Variants in PDZD9 observed in about 807,000 individuals in gnomAD.
PDZD9 encodes PDZ domain-containing protein 9.
Under a neutral mutation model 16.3 loss-of-function variants are expected in PDZD9, and 13 were observed. The ratio of observed to expected loss-of-function variants is 0.80; its 90% CI spans 0.52 to 1.27. The LOEUF is 1.27. Ranked by LOEUF, PDZD9 falls within the 50% of genes most tolerant of loss-of-function variation. The probability of loss-of-function intolerance (pLI) is 0.00; values close to 1 mark genes in which losing one functional copy is unlikely to be tolerated. For synonymous variants in PDZD9, 120 were observed against 111.0 expected, an observed-to-expected ratio of 1.08 and a Z score of -0.51; for missense variants, 288 against 310.9, an observed-to-expected ratio of 0.93 and a Z score of 0.55.
intron 2 of PDZD9, among the ~76,000 whole-genome samples, chr16:21,989,880 C>T (rs897178978): frequency 1.3e-5 from 2 of 152,162 alleles, no homozygotes; most frequent in Non-Finnish European, 2.9e-5. Flanking sequence ...CTTGCTCCAA[C>T]CTCCCCCATG....
chr16:21,995,743 G>A (rs1042366585), intron 2 of PDZD9, among the ~76,000 whole-genome samples: 4 of 150,840 alleles, frequency 2.7e-5, no homozygotes, highest in Admixed American at 6.6e-5. Context: ...GACTACAGGC[G>A]CCCGCCACTA....
chr16:21,984,769 G>A, intron 3 of PDZD9, 109 bp from the exon 4 acceptor site: 1 of 758,940 alleles, frequency 1.3e-6, no homozygotes. Context: ...ATACAATTTA[G>A]CTTTAGCATT....
At chr16:21,971,892 C>T in the PDZD9 span, 1 of 1,611,534 alleles carries the variant, frequency 6.2e-7, no homozygotes, top group East Asian at 2.2e-5. Flanking sequence ...AAGCCATTTT[C>T]TTCTTCCCTC....
At chr16:21,967,453 A>C in the PDZD9 span, among the ~76,000 whole-genome samples, 1 of 147,628 alleles carries the variant, frequency 6.8e-6, no homozygotes, top group Non-Finnish European at 1.5e-5. Flanking sequence ...TTTTTTTCTT[A>C]GTTACCCCAA....
the PDZD9 span, among the ~76,000 whole-genome samples, chr16:21,967,774 A>G: frequency 7.2e-5 from 11 of 152,156 alleles, no homozygotes; most frequent in Admixed American, 1.3e-4. Flanking sequence ...GGTATAGACA[A>G]TGACTTCATG....
At chr16:21,976,109 G>T in the PDZD9 span, 1 of 1,218,506 alleles carries the variant, frequency 8.2e-7, no homozygotes. Context: ...AAGTGTGTCA[G>T]TGCTGCAGGA....
intron 1 of PDZD9, chr16:21,998,938 C>T (rs1031636287): frequency 3.1e-5 from 7 of 228,586 alleles, no homozygotes; most frequent in Non-Finnish European, 6.0e-5. Flanking sequence ...AGACTTCTCA[C>T]ACTATGGCAG....
chr16:21,966,815 C>T, the PDZD9 span, among the ~76,000 whole-genome samples: 2 of 152,158 alleles, frequency 1.3e-5, no homozygotes, highest in South Asian at 2.1e-4. Flanking sequence ...AGTTTATCTA[C>T]AAGGATGGCT....
downstream of PDZD9, among the ~76,000 whole-genome samples, chr16:21,979,664 C>G (rs1251476810): frequency 6.6e-6 from 1 of 152,166 alleles, no homozygotes; most frequent in Non-Finnish European, 1.5e-5. Flanking sequence ...TCGAGTGAGT[C>G]AGTGAGTGAG....
chr16:21,976,285 G>A, the PDZD9 span: 9 of 1,489,454 alleles, frequency 6.0e-6, no homozygotes, highest in Non-Finnish European at 8.4e-6. Flanking sequence ...TTTGTTATTT[G>A]AAAGTTGTAT....
chr16:21,963,524 A>G, the PDZD9 span, among the ~76,000 whole-genome samples: 1 of 152,008 alleles, frequency 6.6e-6, no homozygotes, highest in African/African-American at 2.4e-5. Context: ...GCTGGAGTGC[A>G]GTGGCACAAT....
downstream of PDZD9, among the ~76,000 whole-genome samples, chr16:21,979,643 A>G: frequency 6.6e-6 from 1 of 152,226 alleles, no homozygotes; most frequent in Admixed American, 6.5e-5. Context: ...TTTATGGCAT[A>G]GCTCCTGCTT....
intron 2 of PDZD9, among the ~76,000 whole-genome samples, chr16:21,990,189 A>C (rs542880392): frequency 6.6e-6 from 1 of 152,194 alleles, no homozygotes; most frequent in East Asian, 1.9e-4. Context: ...GACTTCAGAA[A>C]GGAATACAAA....
the PDZD9 span, among the ~76,000 whole-genome samples, chr16:21,961,659 TA>T: frequency 2.1e-4 from 22 of 106,582 alleles, no homozygotes; most frequent in Admixed American, 2.0e-4. Flanking sequence ...TATATATATA[TA>T]TATATATATT....
At chr16:21,963,011 CAG>C in the PDZD9 span, 4 of 1,241,814 alleles carry the variant, frequency 3.2e-6, no homozygotes, top group Non-Finnish European at 2.1e-6. Context: ...TGTTTTGAGA[CAG>C]AGTCTCACTC....
intron 2 of PDZD9, among the ~76,000 whole-genome samples, chr16:21,992,122 G>A (rs1899037623): frequency 6.6e-6 from 1 of 152,084 alleles, no homozygotes; most frequent in South Asian, 2.1e-4. Context: ...CCAGCACTTT[G>A]GGAGACTGAG....
chr16:21,968,417 A>G, the PDZD9 span: 1 of 409,858 alleles, frequency 2.4e-6, no homozygotes, highest in Non-Finnish European at 4.3e-6. Flanking sequence ...GAGTTGTGCA[A>G]CCATGACCAC....
At chr16:21,972,219 C>A in the PDZD9 span, 1 of 1,430,288 alleles carries the variant, frequency 7.0e-7, no homozygotes, top group Non-Finnish European at 9.5e-7. Flanking sequence ...AAGACAAACA[C>A]ACAGAAAATC....
the PDZD9 span, chr16:21,965,669 C>A: frequency 3.7e-6 from 2 of 540,588 alleles, no homozygotes; most frequent in East Asian, 3.4e-5. Flanking sequence ...TTTATCTGAA[C>A]AATTTTTGTG....
Sources: gnomAD v4.1 joint callset for allele counts (sites outside exome capture counted in the v4.1 genomes callset) on GRCh38, gnomAD v4.1.1 for gene constraint, MANE v1.5 for transcripts, NCBI Gene and HGNC (gene_info 2026-07-23, HGNC 2026-07-21) for gene names.